UBN2: variants seen among roughly 807,000 people sequenced by gnomAD.
UBN2 encodes the protein ubinuclein-2.
In UBN2, 35 loss-of-function variants were observed where a neutral mutation model predicts 120.2. The ratio of observed to expected loss-of-function variants is 0.29; its 90% CI spans 0.22 to 0.39. UBN2 has a LOEUF of 0.39. Among genes scored for constraint, UBN2 ranks in the 10% least tolerant of loss-of-function variants. The probability of loss-of-function intolerance (pLI) is 1.00; values close to 1 mark genes in which losing one functional copy is unlikely to be tolerated. For synonymous variants in UBN2, 661 were observed against 648.7 expected (o/e 1.02, Z -0.29); for missense variants, 1,693 against 1,663.2 (o/e 1.02, Z -0.31).
intron 15 of UBN2, among the ~76,000 whole-genome samples, chr7:139,290,196 A>G (rs906684648): frequency 3.0e-4 from 45 of 152,230 alleles, no homozygotes; most frequent in Admixed American, 2.6e-3. Flanking sequence ...GGCCTCCCAA[A>G]GTGCTGGGAT....
Position 139,297,980 on chromosome 7 carries a change from A to C in UBN2, c.*144A>C. 1 of 870,868 alleles carries C rather than the reference A, an allele frequency of 1.1e-6. No individual in the cohort carries two copies. Among genetic ancestry groups the C allele is most frequent in the Non-Finnish European group, 1.8e-6 (1 of 565,316 alleles). 53.9% of individuals were successfully genotyped at this position (870,868 alleles called of 1,614,324 possible). The stretch of plus-strand genomic sequence containing the variant: ...AAGCACTGTGGTGAGGAGGAAAAAG[A>C]AAAGAAAACATTACTTGAGCAAAGC... On this transcript the variant is annotated 3_prime_UTR_variant, in exon 18 of 18. Transcript: ENST00000473989.
rs1454543523 is a variant in UBN2 at position 139,306,595 on chromosome 7, A to G, written c.*8759A>G. ...ATTAGAGGTAGGTTCCCAGCCTACA[A>G]GTATTTCCTGTGATCCATGGCAAGC... On this transcript the variant is annotated 3_prime_UTR_variant, in exon 18 of 18. Transcript: ENST00000473989. The G allele has an allele frequency of 1.3e-5, 2 of 152,238 alleles. No homozygotes were observed. The highest frequency in any genetic ancestry group is 3.9e-4 in the East Asian group (2 of 5,192). The allele number at this position is 152,238 out of a possible 1,614,324, so 9.4% of individuals were successfully genotyped here. A position where few individuals can be genotyped will look rare whatever the true frequency, so the allele number is the denominator to read the frequency against.
chr7:139,315,511 G>A, the UBN2 span: 1 of 152,074 alleles, frequency 6.6e-6, no homozygotes, highest in Non-Finnish European at 1.5e-5. Flanking sequence ...CTCATTGTAT[G>A]GATATGTCAC....
intron 2 of UBN2, among the ~76,000 whole-genome samples, chr7:139,238,636 G>A (rs1030967415): frequency 1.3e-5 from 2 of 152,062 alleles, no homozygotes; most frequent in African/African-American, 4.8e-5. Context: ...TGGCCCGGCT[G>A]GTCTCGAACT....
Position 139,254,076 on chromosome 7 carries a change from G to T in UBN2, c.663+2019G>T, listed in dbSNP as rs538234622. Among the ~76,000 whole-genome samples the T allele has an allele frequency of 8.5e-5, 13 of 152,100 alleles. 1 individual carries two copies. The highest frequency in any genetic ancestry group is 8.5e-4 in the Admixed American group (13 of 15,256). Reference sequence around the variant, plus strand: ...TGGGAGGCAGAGGCCGGCAGATCACGAGGTCAGGAGATCGAGACCATCCTG... The same window carrying T: ...TGGGAGGCAGAGGCCGGCAGATCACTAGGTCAGGAGATCGAGACCATCCTG... On this transcript the variant is annotated intron_variant, in intron 3 of 17. Coordinates refer to ENST00000473989, the MANE Select transcript of UBN2 (RefSeq NM_173569.4).
At position 139,261,572 on chromosome 7, in the gene UBN2, A is replaced by T; in HGVS notation, c.1226A>T (p.Asp409Val). ...GAGATGCTAGATGATTTTGACTTCGACAGATTACTGGATGCTGCTTCTGAT... is the reference window on the plus strand; with the variant it reads ...GAGATGCTAGATGATTTTGACTTCGTCAGATTACTGGATGCTGCTTCTGAT... The part of the protein sequence containing the change: ...ALEMLDDFDF[D>V]RLLDAASDGS... The change falls in exon 6 of 18, where the codon GAC becomes GTC. Residue 409 changes from aspartate (D) to valine (V), a missense_variant. Coordinates refer to ENST00000473989, the MANE Select transcript of UBN2 (RefSeq NM_173569.4). 6.2e-7 allele frequency: 1 copy of T among 1,614,222 alleles called. No individual in the cohort carries two copies. Among genetic ancestry groups the T allele is most frequent in the South Asian group, 1.1e-5 (1 of 91,080 alleles).
chr7:139,258,956 T>C (rs78593335), intron 4 of UBN2, among the ~76,000 whole-genome samples: 84 of 152,326 alleles, frequency 5.5e-4, no homozygotes, highest in African/African-American at 1.9e-3. Flanking sequence ...ATCTATAGAA[T>C]TTGTATACAT....
At chr7:139,290,457 A>G (rs532303982) in intron 15 of UBN2, among the ~76,000 whole-genome samples, 1 of 152,344 alleles carries the variant, frequency 6.6e-6, no homozygotes, top group East Asian at 1.9e-4. Context: ...TAAAAAAGAA[A>G]GAATGGGTTT....
At chr7:139,320,319 C>A in the UBN2 span, among the ~76,000 whole-genome samples, 3 of 150,824 alleles carry the variant, frequency 2.0e-5, no homozygotes, top group Non-Finnish European at 4.4e-5. Context: ...AAAATTAGCC[C>A]GGCGTGGTGG....
In UBN2 at chr7:139,284,557, G is replaced by T. The variant is rs770676500; in HGVS notation, c.3652G>T (p.Val1218Leu). The T allele has an allele frequency of 1.2e-6, 2 of 1,611,030 alleles. No individual in the cohort carries two copies. Among genetic ancestry groups the T allele is most frequent in the East Asian group, 2.2e-5 (1 of 44,838 alleles). Reference protein sequence around the residue: ...RPSTASGSSVVTASVQSTAGA... With the variant: ...RPSTASGSSVLTASVQSTAGA... ...ATCCACTGCCTCAGGGTCTTCAGTG[G>T]TAACAGCCAGTGTGCAGGTATGTAT... The change falls in exon 15 of 18, where the codon GTA becomes TTA. Residue 1218 changes from valine to leucine, a missense_variant. Val to Leu is a conservative substitution (Grantham distance 32, BLOSUM62 1). Transcript: ENST00000473989.
At chr7:139,313,827 A>G in the UBN2 span, among the ~76,000 whole-genome samples, 2 of 151,548 alleles carry the variant, frequency 1.3e-5, no homozygotes, top group Non-Finnish European at 2.9e-5. Context: ...CATAATACCT[A>G]TATATGATCA....
chr7:139,244,312 C>T (rs188578213), intron 2 of UBN2, among the ~76,000 whole-genome samples: 13 of 152,266 alleles, frequency 8.5e-5, no homozygotes, highest in African/African-American at 3.1e-4. Flanking sequence ...GAAAGTGTAT[C>T]CTTTCAGGAG....
intron 6 of UBN2, among the ~76,000 whole-genome samples, chr7:139,265,985 C>G (rs941653575): frequency 1.3e-5 from 2 of 151,832 alleles, no homozygotes; most frequent in Non-Finnish European, 2.9e-5. Context: ...CAATACCCAG[C>G]TGAATTTGAA....
intron 7 of UBN2, among the ~76,000 whole-genome samples, chr7:139,266,784 G>A (rs1035875890): frequency 1.1e-4 from 16 of 152,298 alleles, no homozygotes; most frequent in African/African-American, 3.8e-4. Flanking sequence ...CTGGGGAATA[G>A]TAATTCCGTT....
intron 2 of UBN2, among the ~76,000 whole-genome samples, chr7:139,239,034 T>C (rs763580105): frequency 4.6e-5 from 7 of 152,228 alleles, no homozygotes; most frequent in South Asian, 2.1e-4. Flanking sequence ...AGTACACTTA[T>C]GTGGCTCAAA....
intron 7 of UBN2, among the ~76,000 whole-genome samples, chr7:139,266,733 A>G (rs1797108985): frequency 6.6e-6 from 1 of 152,186 alleles, no homozygotes; most frequent in Admixed American, 6.5e-5. Context: ...GCGTTTATAT[A>G]CAGATTTGGC....
chr7:139,275,759 G>A (rs542224907), intron 11 of UBN2, among the ~76,000 whole-genome samples: 9 of 152,120 alleles, frequency 5.9e-5, no homozygotes, highest in Non-Finnish European at 1.2e-4. Context: ...GATTGCTTGA[G>A]GCCAGGGATT....
At chr7:139,316,077 C>CAAAAAAAAAAAAAAAAAAAAAAAAAAA in the UBN2 span, among the ~76,000 whole-genome samples, 1 of 14,160 alleles carries the variant, frequency 7.1e-5, no homozygotes. Flanking sequence ...GACTTCGTCT[C>CAAAAAAAAAAAAAAAAAAAAAAAAAAA]AAAAAAAAAA....
chr7:139,236,141 A>G (rs1796156809), intron 1 of UBN2, among the ~76,000 whole-genome samples: 1 of 152,180 alleles, frequency 6.6e-6, no homozygotes, highest in African/African-American at 2.4e-5. Flanking sequence ...TAGAAGACTT[A>G]AGGATGTGAT....
Sources: gnomAD v4.1 joint callset for allele counts (sites outside exome capture counted in the v4.1 genomes callset) on GRCh38, gnomAD v4.1.1 for gene constraint, MANE v1.5 for transcripts, NCBI Gene and HGNC (gene_info 2026-07-23, HGNC 2026-07-21) for gene names.